Variants in ZPBP observed in about 807,000 individuals in gnomAD.
The protein encoded by ZPBP is zona pellucida binding protein, also known as zona pellucida-binding protein 1.
ZPBP carries 26 observed loss-of-function variants against 44.8 expected under a neutral mutation model. The observed-to-expected ratio is 0.58, with a 90% CI of 0.43 to 0.81. ZPBP has a LOEUF of 0.81. Ranked by LOEUF, ZPBP falls within the 30% of genes least tolerant of loss-of-function variation. ZPBP has a pLI of 0.00. For missense variants in ZPBP, 409 were observed against 434.0 expected (o/e 0.94, Z 0.51); for synonymous variants, 174 against 153.2 (o/e 1.14, Z -1.00).
downstream of ZPBP, among the ~76,000 whole-genome samples, chr7:49,932,876 T>TTATAAA (rs1356151567): frequency 3.3e-5 from 5 of 152,106 alleles, no homozygotes; most frequent in South Asian, 1.0e-3. Context: ...TCTGATGGTT[T>TTATAAA]TATAAATGGG....
intron 7 of ZPBP, 52 bp from the exon 8 acceptor site, chr7:49,937,674 T>G (rs750003041): frequency 7.1e-7 from 1 of 1,400,314 alleles, no homozygotes; most frequent in Non-Finnish European, 1.0e-6. Context: ...ACACATAATA[T>G]AAAATTTCCA....
chr7:50,018,786 G>A (rs1235452825), intron 5 of ZPBP, among the ~76,000 whole-genome samples: 1 of 151,784 alleles, frequency 6.6e-6, no homozygotes, highest in Non-Finnish European at 1.5e-5. Flanking sequence ...TTTTAGTAGG[G>A]GCCATGGTAA....
At chr7:50,046,830 A>G (rs369520327) in intron 4 of ZPBP, among the ~76,000 whole-genome samples, 13 of 152,336 alleles carry the variant, frequency 8.5e-5, no homozygotes, top group African/African-American at 3.1e-4. Context: ...ATTCTACTAT[A>G]AAGACACATG....
intron 2 of ZPBP, among the ~76,000 whole-genome samples, chr7:49,897,609 T>G (rs1329595742): frequency 6.6e-6 from 1 of 152,186 alleles, no homozygotes; most frequent in Non-Finnish European, 1.5e-5. Context: ...CTTGGATCCC[T>G]CAGAGGTCAC....
intron 2 of ZPBP, among the ~76,000 whole-genome samples, chr7:49,866,918 C>A (rs535888532): frequency 1.8e-4 from 27 of 152,350 alleles, no homozygotes; most frequent in Non-Finnish European, 2.9e-4. Flanking sequence ...CACAGCAAAG[C>A]CACCTTCTTC....
intron 2 of ZPBP, among the ~76,000 whole-genome samples, chr7:49,892,746 CA>C (rs1458017783): frequency 6.6e-6 from 1 of 152,224 alleles, no homozygotes; most frequent in African/African-American, 2.4e-5. Context: ...GAGACAGTGA[CA>C]TTTTTTTACT....
At chr7:49,954,648 T>C (rs1795493145) in intron 7 of ZPBP, among the ~76,000 whole-genome samples, 1 of 152,136 alleles carries the variant, frequency 6.6e-6, no homozygotes, top group Non-Finnish European at 1.5e-5. Flanking sequence ...AAAAATGTAC[T>C]ACATAATGAT....
chr7:49,909,075 T>C (rs1459352561), intron 1 of ZPBP, among the ~76,000 whole-genome samples: 1 of 152,166 alleles, frequency 6.6e-6, no homozygotes, highest in Non-Finnish European at 1.5e-5. Context: ...CATGAGGCCC[T>C]GTGAGGTCTT....
chr7:49,936,424 T>C (rs1456641485), downstream of ZPBP, among the ~76,000 whole-genome samples: 3 of 152,336 alleles, frequency 2.0e-5, no homozygotes, highest in East Asian at 5.8e-4. Context: ...AATGAGAGGC[T>C]AGTTTATCAA....
At chr7:49,848,817 A>G (rs1198118234), downstream of ZPBP, among the ~76,000 whole-genome samples, 3 of 152,236 alleles carry the variant, frequency 2.0e-5, no homozygotes, top group Non-Finnish European at 4.4e-5. Flanking sequence ...CAATTCAAAT[A>G]CACTTTTATA....
At chr7:49,993,148 A>G (rs1005040121) in intron 6 of ZPBP, among the ~76,000 whole-genome samples, 2 of 152,120 alleles carry the variant, frequency 1.3e-5, no homozygotes, top group Admixed American at 6.5e-5. Context: ...ACAGAAAAAT[A>G]AGGTAAAAAA....
chr7:49,857,311 C>G lies in ZPBP; in HGVS notation n.510-6797G>C, dbSNP rs370264464. ...TTCTTCTTCTGTGACTGGCTTTTTCCACTAAGCATAATGTCCTCAAGGTTC... is the reference window on the plus strand; with the variant it reads ...TTCTTCTTCTGTGACTGGCTTTTTCGACTAAGCATAATGTCCTCAAGGTTC... On this transcript the variant is annotated intron_variant and non_coding_transcript_variant, in intron 2 of 2. Coordinates refer to the ZPBP transcript ENST00000465922. Among the ~76,000 whole-genome samples, 235 of 152,306 alleles carry G rather than the reference C, an allele frequency of 1.5e-3. 3 individuals are homozygous for G. The highest frequency in any genetic ancestry group is 5.4e-3 in the African/African-American group (225 of 41,568).
At chr7:49,895,798 T>C (rs1324036477) in intron 2 of ZPBP, among the ~76,000 whole-genome samples, 2 of 152,158 alleles carry the variant, frequency 1.3e-5, no homozygotes, top group Non-Finnish European at 2.9e-5. Flanking sequence ...GAAAATTAAG[T>C]ATAATCAATG....
intron 7 of ZPBP, among the ~76,000 whole-genome samples, chr7:49,978,083 T>C (rs1249739374): frequency 2.6e-5 from 1 of 38,666 alleles, no homozygotes; most frequent in South Asian, 8.3e-4. Context: ...GGTTTTTTGT[T>C]TTTTTTTTTT....
chr7:49,924,157 T>C (rs747692511), intron 1 of ZPBP, among the ~76,000 whole-genome samples: 1 of 149,688 alleles, frequency 6.7e-6, no homozygotes, highest in Non-Finnish European at 1.5e-5. Flanking sequence ...ATAATAATAA[T>C]AACAACGTTA....
At chr7:49,970,249 T>C (rs573666756) in intron 7 of ZPBP, among the ~76,000 whole-genome samples, 1 of 152,116 alleles carries the variant, frequency 6.6e-6, no homozygotes, top group Non-Finnish European at 1.5e-5. Context: ...CTTAAAATAC[T>C]CAAACAGAGA....
intron 4 of ZPBP, chr7:50,056,547 A>T (rs1584134370): frequency 1.3e-5 from 2 of 152,282 alleles, no homozygotes; most frequent in African/African-American, 4.8e-5. Context: ...CATGTTCTGG[A>T]TATGACTAGA....
chr7:50,018,729 G>A (rs1230895616), intron 5 of ZPBP, among the ~76,000 whole-genome samples: 1 of 151,930 alleles, frequency 6.6e-6, no homozygotes, highest in East Asian at 1.9e-4. Flanking sequence ...AATGATAGAG[G>A]TAGGACAAAC....
intron 7 of ZPBP, among the ~76,000 whole-genome samples, chr7:49,944,810 A>G (rs529641099): frequency 6.6e-4 from 99 of 150,058 alleles, no homozygotes; most frequent in African/African-American, 2.3e-3. Context: ...CTTTTTTAAA[A>G]ATAACTTTTC....
Sources: allele counts gnomAD v4.1 joint callset (sites outside exome capture counted in the v4.1 genomes callset), GRCh38; gene constraint gnomAD v4.1.1; transcripts MANE v1.5; gene names NCBI Gene and HGNC (gene_info 2026-07-23, HGNC 2026-07-21).